DNAH7: variants seen among roughly 807,000 people sequenced by gnomAD.
The protein encoded by DNAH7 is axonemal beta dynein heavy chain 7.
DNAH7 carries 397 observed loss-of-function variants against 444.6 expected under a neutral mutation model. That is an observed-to-expected ratio of 0.89 (90% CI 0.82 to 0.97). The LOEUF (loss-of-function observed/expected upper bound fraction) is 0.97. Among genes scored for constraint, DNAH7 ranks in the 50% least tolerant of loss-of-function variants. The pLI, the probability that DNAH7 is intolerant of heterozygous loss-of-function variation, is 0.00. For synonymous variants in DNAH7, 1,636 were observed against 1,624.4 expected, an observed-to-expected ratio of 1.01 and a Z score of -0.17; for missense variants, 4,902 against 4,800.8, an observed-to-expected ratio of 1.02 and a Z score of -0.62.
In DNAH7 at chr2:195,794,470, G is replaced by A; in HGVS notation, c.10584C>T (p.Phe3528=). The A allele has an allele frequency of 6.2e-7, 1 of 1,614,178 alleles. No homozygotes were observed. The highest frequency in any genetic ancestry group is 1.3e-5 in the African/African-American group (1 of 75,044). The change falls in exon 57 of 65, where the codon TTC becomes TTT. Residue 3528 remains phenylalanine (F), a synonymous_variant. Transcript: ENST00000312428. ...CTCCATTCTGCAGTACTGACACAGG[G>A]AAATTTGGAGATGGGTAACTCGTTA... ...MWLTSYPSPN[F]PVSVLQNGVK... is the part of the protein sequence containing the mutation.
intron 46 of DNAH7, among the ~76,000 whole-genome samples, chr2:195,852,907 CACACACACAGAGAGAGAG>C (rs1699457547): frequency 7.9e-6 from 1 of 126,182 alleles, no homozygotes; most frequent in Non-Finnish European, 1.7e-5. Context: ...CACACACACA[CACACACACAGAGAGAGAG>C]AGAGAGAGAG....
At chr2:196,052,852 C>G (rs988803202) in intron 2 of DNAH7, among the ~76,000 whole-genome samples, 1 of 152,190 alleles carries the variant, frequency 6.6e-6, no homozygotes. Context: ...ATGTCAATGG[C>G]AGGCTTTGAG....
chr2:196,001,337 A>G (rs565332429), intron 11 of DNAH7, among the ~76,000 whole-genome samples: 2 of 152,086 alleles, frequency 1.3e-5, no homozygotes, highest in East Asian at 3.9e-4. Flanking sequence ...AGTCATGACA[A>G]TCATATATCC....
chr2:195,845,520 A>C (rs753399189), intron 46 of DNAH7, among the ~76,000 whole-genome samples: 7 of 152,218 alleles, frequency 4.6e-5, no homozygotes, highest in Non-Finnish European at 1.5e-5. Context: ...AGTATTCTAA[A>C]ATTCATATGG....
chr2:195,756,130 T>C lies in DNAH7; in HGVS notation c.11586+3A>G. ...CAATATACGATCATTTAGACGAACT[T>C]ACCTGCAAGAATTTTAGTCTTGCAA... On this transcript the variant is annotated splice_donor_region_variant and intron_variant, in intron 62 of 64. Coordinates refer to ENST00000312428, the MANE Select transcript of DNAH7 (RefSeq NM_018897.3). 6.3e-7 allele frequency: 1 copy of C among 1,594,150 alleles called. No individual in the cohort carries two copies. The highest frequency in any genetic ancestry group is 1.1e-5 in the South Asian group (1 of 88,228).
At chr2:196,004,667 C>T (rs1050751398) in intron 10 of DNAH7, among the ~76,000 whole-genome samples, 4 of 151,954 alleles carry the variant, frequency 2.6e-5, no homozygotes, top group African/African-American at 9.7e-5. Flanking sequence ...CAAGGGAGGG[C>T]TGGGCATGGT....
intron 2 of DNAH7, 41 bp downstream of exon 2, chr2:196,058,013 A>T: frequency 7.3e-7 from 1 of 1,367,574 alleles, no homozygotes; most frequent in Non-Finnish European, 9.7e-7. Context: ...AACAAACATT[A>T]TCATAAAGGA....
At chr2:196,012,602 A>T (rs1233177515) in intron 10 of DNAH7, among the ~76,000 whole-genome samples, 185 bp downstream of exon 10, 2 of 152,178 alleles carry the variant, frequency 1.3e-5, no homozygotes, top group Non-Finnish European at 1.5e-5. Flanking sequence ...GTTTCTGCAC[A>T]ATCTACGCTG....
intron 1 of DNAH7, among the ~76,000 whole-genome samples, chr2:196,067,150 C>T (rs1200597031): frequency 6.6e-6 from 1 of 152,044 alleles, no homozygotes. Flanking sequence ...TAGAACTTAA[C>T]GGCTGGTGGG....
intron 27 of DNAH7, chr2:195,903,879 C>T (rs1395924255): frequency 2.0e-5 from 3 of 152,104 alleles, no homozygotes; most frequent in African/African-American, 2.4e-5. Context: ...GTAGATACTC[C>T]TGCATTTCGG....
At chr2:195,836,817 T>C (rs1034599466) in intron 47 of DNAH7, among the ~76,000 whole-genome samples, 23 of 152,220 alleles carry the variant, frequency 1.5e-4, no homozygotes, top group Admixed American at 1.0e-3. Flanking sequence ...CCTAAATAAA[T>C]TGAATTACTC....
At chr2:195,804,067 C>A (rs1574465861) in intron 54 of DNAH7, among the ~76,000 whole-genome samples, 2 of 21,048 alleles carry the variant, frequency 9.5e-5, no homozygotes, top group South Asian at 2.4e-3. Context: ...GGGAAGGAGA[C>A]CCCCCCCAAA....
intron 15 of DNAH7, among the ~76,000 whole-genome samples, chr2:195,979,111 T>C (rs926148461): frequency 5.9e-5 from 9 of 152,180 alleles, no homozygotes; most frequent in African/African-American, 9.6e-5. Context: ...ATCTGCACTA[T>C]AGACCAAATA....
intron 28 of DNAH7, 39 bp from the exon 29 acceptor site, chr2:195,897,804 C>T (rs768361839): frequency 1.6e-6 from 2 of 1,230,876 alleles, no homozygotes; most frequent in Non-Finnish European, 2.3e-6. Flanking sequence ...ATATCTGCAT[C>T]TCCTAACAGC....
chr2:195,895,426 T>C (rs1002172662), intron 29 of DNAH7, among the ~76,000 whole-genome samples: 1 of 152,178 alleles, frequency 6.6e-6, no homozygotes, highest in African/African-American at 2.4e-5. Flanking sequence ...GATGTTCGTT[T>C]TGCAAACAGT....
At chr2:195,983,903 G>A (rs1229175127) in intron 15 of DNAH7, among the ~76,000 whole-genome samples, 1 of 152,166 alleles carries the variant, frequency 6.6e-6, no homozygotes, top group Non-Finnish European at 1.5e-5. Flanking sequence ...GGACAGTCCT[G>A]GTTTGTTCCT....
chr2:195,868,187 C>G (rs1343091963), intron 40 of DNAH7, among the ~76,000 whole-genome samples: 1 of 150,274 alleles, frequency 6.7e-6, no homozygotes, highest in Non-Finnish European at 1.5e-5. Flanking sequence ...GCTCCGCCTC[C>G]CGGGTTCATG....
At chr2:195,778,844 CTTT>C (rs11286753) in intron 58 of DNAH7, among the ~76,000 whole-genome samples, 1 of 125,916 alleles carries the variant, frequency 7.9e-6, no homozygotes, top group Non-Finnish European at 1.7e-5. Flanking sequence ...CAATTGTACA[CTTT>C]TTTTTTTTTT....
chr2:195,854,612 T>C (rs938265233), intron 45 of DNAH7, among the ~76,000 whole-genome samples: 2 of 152,170 alleles, frequency 1.3e-5, no homozygotes, highest in African/African-American at 4.8e-5. Flanking sequence ...ACAATGTTTA[T>C]GATAAACTGA....
Sources: gnomAD v4.1 joint callset for allele counts (sites outside exome capture counted in the v4.1 genomes callset) on GRCh38, gnomAD v4.1.1 for gene constraint, MANE v1.5 for transcripts, NCBI Gene and HGNC (gene_info 2026-07-23, HGNC 2026-07-21) for gene names.